NLN: variants seen among roughly 807,000 people sequenced by gnomAD.
NLN encodes neurolysin.
NLN carries 64 observed loss-of-function variants against 79.9 expected under a neutral mutation model. That is an observed-to-expected ratio of 0.80 (90% confidence interval 0.65 to 0.99). NLN has a LOEUF of 0.99. Among genes scored for constraint, NLN ranks in the 50% least tolerant of loss-of-function variants. The pLI, the probability that NLN is intolerant of heterozygous loss-of-function variation, is 0.00. For synonymous variants in NLN, 267 were observed against 296.6 expected (o/e 0.90, Z 1.02); for missense variants, 835 against 858.7 (o/e 0.97, Z 0.34).
intron 1 of NLN, among the ~76,000 whole-genome samples, chr5:65,729,864 A>G (rs1485981833): frequency 1.3e-5 from 2 of 152,210 alleles, no homozygotes; most frequent in African/African-American, 2.4e-5. Context: ...TACATATGTA[A>G]ATGCCAAGCT....
intron 1 of NLN, among the ~76,000 whole-genome samples, chr5:65,729,324 C>CAAATAAAGTATCA (rs1254685134): frequency 0.013 from 1,926 of 148,326 alleles, 40 homozygotes; most frequent in African/African-American, 0.045. Context: ...GCTAGGTTGA[C>CAAATAAAGTATCA]ATTATTTGTA....
At chr5:65,794,400 C>G (rs62370061) in intron 9 of NLN, among the ~76,000 whole-genome samples, 16,149 of 152,076 alleles carry the variant, frequency 0.11, 1,057 homozygotes, top group Admixed American at 0.21. Flanking sequence ...CGCCTGAGCT[C>G]AGGAGTTCAA....
intron 2 of NLN, 94 bp from the exon 3 acceptor site, chr5:65,762,866 T>C (rs1315776170): frequency 8.2e-7 from 1 of 1,214,922 alleles, no homozygotes; most frequent in Non-Finnish European, 1.2e-6. Context: ...CAAACTTTTA[T>C]TGGCATGATC....
At position 65,824,763 on chromosome 5, in the gene NLN, A is replaced by G. The variant is rs574245790; in HGVS notation, c.*1848A>G. The G allele has an allele frequency of 9.2e-5, 14 of 152,342 alleles. No homozygotes were observed. The East Asian group carries it at 2.7e-3, about 29-fold the overall frequency. 9.4% of individuals were successfully genotyped at this position (152,342 alleles called of 1,614,324 possible). A position where few individuals can be genotyped will look rare whatever the true frequency, so the allele number is the denominator to read the frequency against. Reference sequence around the variant, plus strand: ...GCAAAAGCACCATGGTGTTCTTTCTATTTAGGGCCTACCTCTAATATTTAA... The same window carrying G: ...GCAAAAGCACCATGGTGTTCTTTCTGTTTAGGGCCTACCTCTAATATTTAA... On this transcript the variant is annotated 3_prime_UTR_variant, in exon 13 of 13. Transcript: ENST00000380985.
In NLN at chr5:65,826,474, C is replaced by T. The variant is rs554970681; in HGVS notation, c.*3559C>T. Reference sequence around the variant, plus strand: ...CCCAAAGAATGTTAAAAGAGAAAATCCATTTTATTTGAATAGATGCAGTGA... The same window carrying T: ...CCCAAAGAATGTTAAAAGAGAAAATTCATTTTATTTGAATAGATGCAGTGA... On this transcript the variant is annotated 3_prime_UTR_variant, in exon 13 of 13. Transcript: ENST00000380985. 6.6e-6 allele frequency: 1 copy of T among 152,272 alleles called. No homozygotes were observed. The highest frequency in any genetic ancestry group is 2.1e-4 in the South Asian group (1 of 4,834). The allele number at this position is 152,272 out of a possible 1,614,324, so 9.4% of individuals were successfully genotyped here.
intron 12 of NLN, among the ~76,000 whole-genome samples, chr5:65,815,797 A>AGTT (rs1760657218): frequency 6.6e-6 from 1 of 152,178 alleles, no homozygotes; most frequent in Non-Finnish European, 1.5e-5. Context: ...AAAACCCACA[A>AGTT]ATATTTGCTC....
chr5:65,798,160 T>C (rs138803030), intron 9 of NLN, among the ~76,000 whole-genome samples: 273 of 152,348 alleles, frequency 1.8e-3, no homozygotes, highest in Non-Finnish European at 3.0e-3. Flanking sequence ...ACTGAACATG[T>C]ACCAGGTGCC....
chr5:65,800,572 G>C (rs1445867159), intron 9 of NLN, among the ~76,000 whole-genome samples: 1 of 152,160 alleles, frequency 6.6e-6, no homozygotes, highest in African/African-American at 2.4e-5. Flanking sequence ...CTACTCGGGA[G>C]GCAGGAGAAT....
intron 6 of NLN, among the ~76,000 whole-genome samples, chr5:65,784,860 C>A (rs1289944551): frequency 1.3e-5 from 2 of 152,150 alleles, no homozygotes; most frequent in African/African-American, 4.8e-5. Context: ...CTGGCAATTA[C>A]TATTCTATTC....
intron 1 of NLN, among the ~76,000 whole-genome samples, chr5:65,727,873 T>C (rs1370367983): frequency 6.6e-6 from 1 of 152,174 alleles, no homozygotes; most frequent in East Asian, 1.9e-4. Flanking sequence ...TTCAAGCAAT[T>C]ATCCTGCCTC....
rs2150761702 is a variant in NLN at position 65,788,287 on chromosome 5, C to T, written c.1128C>T (p.Asp376=). The part of the protein sequence containing the change: ...TQTEELKYSI[D]QEFLKEYFPI... The stretch of plus-strand genomic sequence containing the variant: ...CAGAGGAACTCAAGTATTCCATAGA[C>T]CAAGAGTTCCTCAAGGAATACTTCC... Residue 376 remains aspartate (D), a synonymous_variant, in exon 8 of 13, where the codon GAC becomes GAT. Transcript: ENST00000380985. 1.9e-6 allele frequency: 3 copies of T among 1,613,812 alleles called. No individual in the cohort carries two copies. The highest frequency in any genetic ancestry group is 2.7e-5 in the African/African-American group (2 of 75,018).
chr5:65,771,935 A>T (rs894460139), intron 3 of NLN, among the ~76,000 whole-genome samples: 1 of 150,500 alleles, frequency 6.6e-6, no homozygotes, highest in Non-Finnish European at 1.5e-5. Context: ...AATTAAGTTT[A>T]AAAAGAACCA....
chr5:65,820,722 T>G (rs568647160), intron 12 of NLN, among the ~76,000 whole-genome samples: 16 of 151,216 alleles, frequency 1.1e-4, no homozygotes, highest in South Asian at 2.1e-4. Flanking sequence ...ACATGTTTTT[T>G]TTTGTTTGTT....
intron 9 of NLN, among the ~76,000 whole-genome samples, chr5:65,800,662 T>TTTTATTTA (rs1561208346): frequency 3.5e-4 from 24 of 69,366 alleles, no homozygotes; most frequent in African/African-American, 1.3e-3. Context: ...AAGAAAACTC[T>TTTTATTTA]CTTATTTATT....
At position 65,792,656 on chromosome 5, in the gene NLN, G is replaced by C; in HGVS notation, c.1527+1G>C. 1 of 1,611,520 alleles carries C rather than the reference G, an allele frequency of 6.2e-7. No individual in the cohort carries two copies. The highest frequency in any genetic ancestry group is 8.5e-7 in the Non-Finnish European group (1 of 1,178,052). On this transcript the variant is annotated splice_donor_variant, in intron 9 of 12. Coordinates refer to ENST00000380985, the MANE Select transcript of NLN (RefSeq NM_020726.5). LOFTEE classifies it high-confidence loss of function. ...CGTGATGCATCAGATTTGTGCACAG[G>C]TGAGTTTTTTTTTTCCCCCAGTAAA...
intron 4 of NLN, among the ~76,000 whole-genome samples, chr5:65,779,677 A>G (rs997567535): frequency 6.6e-6 from 1 of 152,230 alleles, no homozygotes; most frequent in African/African-American, 2.4e-5. Context: ...TGTGCAATAT[A>G]TTGTGTTTAC....
intron 3 of NLN, among the ~76,000 whole-genome samples, chr5:65,766,426 A>T (rs1372451053): frequency 1.3e-5 from 2 of 152,154 alleles, no homozygotes; most frequent in Admixed American, 6.5e-5. Context: ...CAGATCTTGT[A>T]AGAACTCACT....
intron 1 of NLN, among the ~76,000 whole-genome samples, chr5:65,723,793 C>T (rs1758382929): frequency 8.4e-6 from 1 of 119,592 alleles, no homozygotes; most frequent in Admixed American, 1.1e-4. Context: ...CTAGCCTGGG[C>T]GACAGAGCAA....
At chr5:65,740,281 G>C (rs939245951) in intron 1 of NLN, among the ~76,000 whole-genome samples, 2 of 152,138 alleles carry the variant, frequency 1.3e-5, no homozygotes, top group African/African-American at 4.8e-5. Flanking sequence ...AACGCGGTGA[G>C]TGAGGCACAC....
Sources: gnomAD v4.1 joint callset for allele counts (sites outside exome capture counted in the v4.1 genomes callset) on GRCh38, gnomAD v4.1.1 for gene constraint, MANE v1.5 for transcripts, NCBI Gene and HGNC (gene_info 2026-07-23, HGNC 2026-07-21) for gene names.